Variants in CEP112 observed in about 807,000 individuals in gnomAD.
CEP112 encodes the protein centrosomal protein of 112 kDa.
A neutral mutation model predicts 153.0 loss-of-function variants in CEP112; 127 were observed. The observed-to-expected ratio is 0.83, with a 90% CI of 0.72 to 0.96. CEP112 has a LOEUF of 0.96. Ranked by LOEUF, CEP112 falls within the 40% of genes least tolerant of loss-of-function variation. The pLI is 0.00. For missense variants in CEP112, 1,089 were observed against 1,101.2 expected (o/e 0.99, Z 0.16); for synonymous variants, 358 against 374.4 (o/e 0.96, Z 0.51).
At chr17:65,801,454 C>A (rs2055271847) in intron 21 of CEP112, among the ~76,000 whole-genome samples, 1 of 152,120 alleles carries the variant, frequency 6.6e-6, no homozygotes, top group Admixed American at 6.5e-5. Flanking sequence ...ATCACTTCTG[C>A]TTTTGTTGTG....
intron 11 of CEP112, among the ~76,000 whole-genome samples, chr17:66,058,165 A>G (rs1267439920): frequency 1.3e-5 from 2 of 150,122 alleles, no homozygotes; most frequent in Non-Finnish European, 3.0e-5. Flanking sequence ...TAGAAAAAAA[A>G]GCTTTACTAA....
chr17:65,825,284 C>T (rs1309095376), intron 21 of CEP112, among the ~76,000 whole-genome samples: 1 of 152,140 alleles, frequency 6.6e-6, no homozygotes, highest in East Asian at 1.9e-4. Context: ...GAGCAATGGT[C>T]CTCAGCCTTT....
chr17:65,918,066 G>C (rs1344365632), intron 19 of CEP112, among the ~76,000 whole-genome samples: 2 of 151,628 alleles, frequency 1.3e-5, no homozygotes, highest in African/African-American at 2.4e-5. Context: ...TGTAGTCCCA[G>C]CTACTTGGGA....
rs139005524 is a variant in CEP112, at chr17:65,829,414, C to A, written c.2394+22390G>T. ...CACAGAACCCTTCCACTATACTAGA[C>A]CCATAATGTATCTATGCAGCTTTAT... On this transcript the variant is annotated intron_variant, in intron 21 of 26. Coordinates refer to ENST00000535342, the MANE Select transcript of CEP112 (RefSeq NM_001199165.4). 3.9e-3 allele frequency among the ~76,000 whole-genome samples: 591 copies of A among 152,200 alleles called. 4 individuals are homozygous for A. Among genetic ancestry groups the A allele is most frequent in the Middle Eastern group, 0.01 (3 of 294 alleles).
chr17:66,039,782 A>C (rs1182295119), intron 12 of CEP112, among the ~76,000 whole-genome samples: 1 of 152,176 alleles, frequency 6.6e-6, no homozygotes. Flanking sequence ...GACCTCTATC[A>C]GTACAAATAA....
In CEP112 at chr17:65,718,197, G is replaced by C. The variant is rs148231079; in HGVS notation, c.2607+24871C>G. On this transcript the variant is annotated intron_variant, in intron 23 of 26. Transcript: ENST00000535342. The stretch of plus-strand genomic sequence containing the variant: ...GAGGCAGATGGATCACCTGAGGTCA[G>C]GAGTTCGAGACCAGGCTGGCCAACA... Among the ~76,000 whole-genome samples the C allele has an allele frequency of 4.7e-3, 717 of 152,208 alleles. 3 individuals carry two copies. Among genetic ancestry groups the C allele is most frequent in the Non-Finnish European group, 7.6e-3 (517 of 68,024 alleles).
chr17:65,984,402 T>A (rs1310438335), intron 17 of CEP112, among the ~76,000 whole-genome samples: 1 of 152,318 alleles, frequency 6.6e-6, no homozygotes, highest in East Asian at 1.9e-4. Flanking sequence ...TCTGATTTTA[T>A]AATGTTGGCA....
At chr17:65,669,133 G>T (rs1226889350) in intron 24 of CEP112, among the ~76,000 whole-genome samples, 1 of 152,160 alleles carries the variant, frequency 6.6e-6, no homozygotes. Flanking sequence ...AGCGGCAGCT[G>T]GCCCTTCTCT....
At chr17:65,798,988 A>G (rs867851832) in intron 21 of CEP112, among the ~76,000 whole-genome samples, 78 of 152,366 alleles carry the variant, frequency 5.1e-4, no homozygotes, top group African/African-American at 1.7e-3. Flanking sequence ...AAAGAGGCAG[A>G]AACCAAATGT....
At chr17:66,046,181 T>C (rs1390862135) in intron 12 of CEP112, among the ~76,000 whole-genome samples, 3 of 152,100 alleles carry the variant, frequency 2.0e-5, no homozygotes, top group Admixed American at 6.6e-5. Flanking sequence ...TAGCTGGGAC[T>C]ACAAGCGCAT....
intron 4 of CEP112, among the ~76,000 whole-genome samples, chr17:66,150,034 C>T (rs151085983): frequency 9.2e-4 from 136 of 148,306 alleles, no homozygotes; most frequent in Non-Finnish European, 1.4e-3. Context: ...GCTGGCACTA[C>T]GGGCGCATGC....
intron 6 of CEP112, among the ~76,000 whole-genome samples, chr17:66,114,811 A>T (rs1175839579): frequency 6.6e-6 from 1 of 152,152 alleles, no homozygotes; most frequent in Non-Finnish European, 1.5e-5. Context: ...AAACATATTA[A>T]AATGCACCTA....
chr17:66,150,383 A>G (rs1443671468), intron 4 of CEP112, among the ~76,000 whole-genome samples: 2 of 151,448 alleles, frequency 1.3e-5, no homozygotes, highest in Non-Finnish European at 2.9e-5. Flanking sequence ...TGTTATTTTT[A>G]CAATACAAAA....
At chr17:66,054,493 T>C (rs1189202206) in intron 11 of CEP112, among the ~76,000 whole-genome samples, 1 of 152,210 alleles carries the variant, frequency 6.6e-6, no homozygotes, top group Non-Finnish European at 1.5e-5. Flanking sequence ...GTATATACTG[T>C]TTAAATGGAT....
intron 20 of CEP112, among the ~76,000 whole-genome samples, chr17:65,886,449 A>T (rs1291214443): frequency 1.3e-5 from 2 of 152,180 alleles, no homozygotes; most frequent in Non-Finnish European, 2.9e-5. Flanking sequence ...CATGATTATA[A>T]CGGCATAGCA....
At chr17:65,990,445 C>A (rs1408784645) in intron 17 of CEP112, among the ~76,000 whole-genome samples, 2 of 152,238 alleles carry the variant, frequency 1.3e-5, no homozygotes, top group African/African-American at 2.4e-5. Context: ...CATCCACCAG[C>A]CAGATAGCAT....
chr17:66,158,220 C>A (rs2071531498), intron 4 of CEP112, among the ~76,000 whole-genome samples: 1 of 152,154 alleles, frequency 6.6e-6, no homozygotes, highest in South Asian at 2.1e-4. Flanking sequence ...AATTAGAACT[C>A]AGGATTAAGA....
At chr17:66,087,695 C>T (rs1217450078) in intron 8 of CEP112, among the ~76,000 whole-genome samples, 2 of 151,994 alleles carry the variant, frequency 1.3e-5, no homozygotes, top group Non-Finnish European at 2.9e-5. Flanking sequence ...TATTACAGCA[C>T]GAAATAGGAA....
At chr17:65,902,486 T>C (rs1486550255) in intron 19 of CEP112, 152 bp from the exon 20 acceptor site, 4 of 537,684 alleles carry the variant, frequency 7.4e-6, no homozygotes, top group Non-Finnish European at 1.2e-5. Context: ...TCTCATTTGT[T>C]GGGGTGGTGG....
Sources: allele counts gnomAD v4.1 joint callset (sites outside exome capture counted in the v4.1 genomes callset), GRCh38; gene constraint gnomAD v4.1.1; transcripts MANE v1.5; gene names NCBI Gene and HGNC (gene_info 2026-07-23, HGNC 2026-07-21).